Variants in TUSC3 observed in about 807,000 individuals in gnomAD.
The protein encoded by TUSC3 is dolichyl-diphosphooligosaccharide--protein glycosyltransferase subunit TUSC3.
A neutral mutation model predicts 44.8 loss-of-function variants in TUSC3; 45 were observed. The ratio of observed to expected loss-of-function variants is 1.00; its 90% confidence interval spans 0.79 to 1.29. The LOEUF (loss-of-function observed/expected upper bound fraction) is 1.29. TUSC3 is among the 50% of genes most tolerant of loss of function. The pLI, the probability that TUSC3 is intolerant of heterozygous loss-of-function variation, is 0.00. For synonymous variants in TUSC3, 212 were observed against 152.9 expected, an observed-to-expected ratio of 1.39 and a Z score of -2.85; for missense variants, 519 against 437.9, an observed-to-expected ratio of 1.19 and a Z score of -1.65.
Position 15,764,557 on chromosome 8 carries a change from T to C in TUSC3, c.*401T>C, listed in dbSNP as rs1178522752. On this transcript the variant is annotated 3_prime_UTR_variant, in exon 11 of 11. Transcript: ENST00000503731. ...TAGTAAAGAAAACCTATGAAATGTA[T>C]GTTAAAGATTCTTAGTATTGTACAG... 3.7e-6 allele frequency: 1 copy of C among 271,036 alleles called. No homozygotes were observed. Among genetic ancestry groups the C allele is most frequent in the East Asian group, 8.7e-5 (1 of 11,474 alleles). The allele number at this position is 271,036 out of a possible 1,614,324, so 16.8% of individuals were successfully genotyped here. A position where few individuals can be genotyped will look rare whatever the true frequency, so the allele number is the denominator to read the frequency against.
chr8:15,736,554 G>A (rs1287503668), intron 7 of TUSC3, among the ~76,000 whole-genome samples: 1 of 152,108 alleles, frequency 6.6e-6, no homozygotes, highest in Non-Finnish European at 1.5e-5. Context: ...ATTTTAATGA[G>A]ATAATCTTAA....
intron 5 of TUSC3, among the ~76,000 whole-genome samples, chr8:15,673,103 C>G (rs558322647): frequency 6.6e-6 from 1 of 152,014 alleles, no homozygotes; most frequent in Non-Finnish European, 1.5e-5. Flanking sequence ...GCATTCTCTC[C>G]CCACCCTCTC....
the TUSC3 span, among the ~76,000 whole-genome samples, chr8:15,841,166 T>G: frequency 6.6e-6 from 1 of 151,690 alleles, no homozygotes; most frequent in Non-Finnish European, 1.5e-5. Context: ...AGCTATATGT[T>G]TTATATATAT....
chr8:15,845,246 C>T, the TUSC3 span, among the ~76,000 whole-genome samples: 1 of 152,086 alleles, frequency 6.6e-6, no homozygotes, highest in East Asian at 1.9e-4. Flanking sequence ...TTATGTTCTG[C>T]TCCAACCAGG....
Position 15,431,878 on chromosome 8 carries a change from G to A in TUSC3, n.91+14573G>A, listed in dbSNP as rs562839359. 4.0e-4 allele frequency among the ~76,000 whole-genome samples: 19 copies of A among 47,714 alleles called. No homozygotes were observed. In the Admixed American group the frequency reaches 8.4e-3, roughly 21 times the overall value. 31.3% of individuals were successfully genotyped at this position (47,714 alleles called of 152,430 possible). On this transcript the variant is annotated intron_variant and non_coding_transcript_variant, in intron 1 of 5. Transcript: ENST00000503191. ...GTTCAGCCACTGTTAAGAAAGTCTT[G>A]AATTTTGTTCAAATGCCATTTCTGT...
intron 1 of TUSC3, among the ~76,000 whole-genome samples, chr8:15,481,064 G>A (rs1220472158): frequency 2.0e-5 from 3 of 151,828 alleles, no homozygotes; most frequent in Non-Finnish European, 2.9e-5. Context: ...CCTGACCAAC[G>A]TGGAGAAACC....
At chr8:15,491,318 C>A (rs561183931) in intron 2 of TUSC3, among the ~76,000 whole-genome samples, 11 of 152,186 alleles carry the variant, frequency 7.2e-5, no homozygotes, top group Admixed American at 3.3e-4. Flanking sequence ...CAAGGAATTT[C>A]CCTGTGAGTA....
chr8:15,798,989 G>T, the TUSC3 span, among the ~76,000 whole-genome samples: 1 of 152,174 alleles, frequency 6.6e-6, no homozygotes, highest in East Asian at 1.9e-4. Context: ...ATCAGGAGCA[G>T]TAAGACCAGA....
At chr8:15,797,487 AT>A in the TUSC3 span, among the ~76,000 whole-genome samples, 1 of 152,080 alleles carries the variant, frequency 6.6e-6, no homozygotes, top group Non-Finnish European at 1.5e-5. Flanking sequence ...TTTTTTCAGG[AT>A]TTATCAGTTA....
At chr8:15,708,394 A>G (rs1809707201) in intron 6 of TUSC3, among the ~76,000 whole-genome samples, 1 of 151,976 alleles carries the variant, frequency 6.6e-6, no homozygotes, top group African/African-American at 2.4e-5. Context: ...TTTGAGGTGC[A>G]TGAGCAGATT....
At chr8:15,841,120 C>A in the TUSC3 span, among the ~76,000 whole-genome samples, 1 of 151,942 alleles carries the variant, frequency 6.6e-6, no homozygotes, top group East Asian at 1.9e-4. Context: ...TAGCCAGTAT[C>A]CAAATTTATT....
At chr8:15,831,283 GA>G in the TUSC3 span, among the ~76,000 whole-genome samples, 2 of 152,034 alleles carry the variant, frequency 1.3e-5, no homozygotes, top group African/African-American at 4.8e-5. Flanking sequence ...TAGGATAAAA[GA>G]AAAGAAAAAA....
intron 1 of TUSC3, among the ~76,000 whole-genome samples, chr8:15,424,135 C>T (rs1020702724): frequency 6.6e-6 from 1 of 151,524 alleles, no homozygotes; most frequent in African/African-American, 2.4e-5. Flanking sequence ...GGACTACAGG[C>T]ACACGCCACC....
intron 1 of TUSC3, among the ~76,000 whole-genome samples, chr8:15,544,336 G>T (rs906991382): frequency 6.7e-6 from 1 of 148,278 alleles, no homozygotes; most frequent in African/African-American, 2.4e-5. Flanking sequence ...TGTGAAAAGA[G>T]CTCCAATTCT....
At chr8:15,776,073 C>A in the TUSC3 span, among the ~76,000 whole-genome samples, 1 of 151,972 alleles carries the variant, frequency 6.6e-6, no homozygotes, top group African/African-American at 2.4e-5. Flanking sequence ...AGAATAGTTT[C>A]TCTATGATAA....
intron 1 of TUSC3, among the ~76,000 whole-genome samples, chr8:15,444,658 G>A (rs1005323940): frequency 6.6e-6 from 1 of 152,158 alleles, no homozygotes; most frequent in Non-Finnish European, 1.5e-5. Context: ...CATTTTAGAA[G>A]AGTGTACAGC....
intron 1 of TUSC3, among the ~76,000 whole-genome samples, chr8:15,611,892 A>G (rs1804777837): frequency 6.6e-6 from 1 of 152,236 alleles, no homozygotes; most frequent in South Asian, 2.1e-4. Flanking sequence ...CCAACATGGA[A>G]GATAACTTTT....
intron 7 of TUSC3, among the ~76,000 whole-genome samples, chr8:15,732,263 G>A (rs1187618328): frequency 2.6e-5 from 4 of 152,186 alleles, no homozygotes; most frequent in Non-Finnish European, 5.9e-5. Flanking sequence ...TGTCATGGGA[G>A]GGATCCAGTG....
Position 15,423,972 on chromosome 8 carries a change from T to TTTG in TUSC3, n.91+6669_91+6670insGTT, listed in dbSNP as rs1446472522. On this transcript the variant is annotated intron_variant and non_coding_transcript_variant, in intron 1 of 5. Transcript: ENST00000503191. The stretch of plus-strand genomic sequence containing the variant: ...AGCATTCATACTGTTTTGCTTTGTT[T>TTTG]TTTTTTTTTTTTTTTTTTTTTTTTT... 2.4e-3 allele frequency among the ~76,000 whole-genome samples: 41 copies of TTTG among 17,398 alleles called. 9 individuals are homozygous for TTTG. The highest frequency in any genetic ancestry group is 3.0e-3 in the East Asian group (4 of 1,328). 11.4% of individuals were successfully genotyped at this position (17,398 alleles called of 152,430 possible). A position where few individuals can be genotyped will look rare whatever the true frequency, so the allele number is the denominator to read the frequency against.
Sources: gnomAD v4.1 joint callset for allele counts (sites outside exome capture counted in the v4.1 genomes callset) on GRCh38, gnomAD v4.1.1 for gene constraint, MANE v1.5 for transcripts, NCBI Gene and HGNC (gene_info 2026-07-23, HGNC 2026-07-21) for gene names.